Variants in PHACTR1 observed in about 807,000 individuals in gnomAD.
PHACTR1 encodes the protein phosphatase and actin regulator 1, also known as RPEL repeat containing 1.
In PHACTR1, 16 loss-of-function variants were observed where a neutral mutation model predicts 69.2. The observed-to-expected ratio is 0.23, with a 90% confidence interval of 0.16 to 0.35. PHACTR1 has a LOEUF of 0.35. Among genes scored for constraint, PHACTR1 ranks in the 10% least tolerant of loss-of-function variants. The pLI is 1.00. For synonymous variants in PHACTR1, 312 were observed against 284.5 expected (o/e 1.10, Z -0.97); for missense variants, 510 against 734.7 (o/e 0.69, Z 3.54).
chr6:12,728,754 G>A (rs1763119027), intron 3 of PHACTR1, among the ~76,000 whole-genome samples: 2 of 152,020 alleles, frequency 1.3e-5, no homozygotes, highest in African/African-American at 4.8e-5. Flanking sequence ...ATTTTATGGT[G>A]TTTTAGAAAA....
rs560649927 is a variant in PHACTR1 at position 13,127,999 on chromosome 6, C to T, written c.416-32205C>T. On this transcript the variant is annotated intron_variant, in intron 5 of 14. Transcript: ENST00000332995. ...AGCAAACATATCCTTCTTCACATGG[C>T]GGCCGGAAGGAGAAGTATGAGCAAA... 3.2e-4 allele frequency among the ~76,000 whole-genome samples: 49 copies of T among 151,108 alleles called. 1 individual carries two copies. The highest frequency in any genetic ancestry group is 2.7e-3 in the Admixed American group (41 of 15,142).
At chr6:12,944,788 T>TTTATTTATTTA (rs1491524747) in intron 4 of PHACTR1, among the ~76,000 whole-genome samples, 10 of 47,056 alleles carry the variant, frequency 2.1e-4, no homozygotes, top group South Asian at 1.2e-3. Flanking sequence ...TTTTTATTTA[T>TTTATTTATTTA]TTTTTTTTTT....
chr6:12,747,246 T>C (rs1210175777), intron 3 of PHACTR1, among the ~76,000 whole-genome samples: 1 of 152,212 alleles, frequency 6.6e-6, no homozygotes, highest in Non-Finnish European at 1.5e-5. Context: ...AAATCAGGCA[T>C]ACATGGATTT....
At chr6:12,888,571 C>T (rs867250191) in intron 4 of PHACTR1, among the ~76,000 whole-genome samples, 2 of 152,034 alleles carry the variant, frequency 1.3e-5, no homozygotes, top group African/African-American at 4.8e-5. Flanking sequence ...TTATTTAACT[C>T]TTTTAAATGC....
rs188467256 is a variant in PHACTR1, at chr6:13,053,583, A to G, written c.415+54A>G. On this transcript the variant is annotated intron_variant, in intron 5 of 14. Transcript: ENST00000332995. Reference sequence around the variant, plus strand: ...TTTGGTGTTTGTTGCCTTCAACTCTATTATCTTAACAGAATTTAATTGCAA... The same window carrying G: ...TTTGGTGTTTGTTGCCTTCAACTCTGTTATCTTAACAGAATTTAATTGCAA... 2,307 of 1,564,770 alleles carry G rather than the reference A, an allele frequency of 1.5e-3. 2 individuals carry two copies. Among genetic ancestry groups the G allele is most frequent in the Non-Finnish European group, 1.9e-3 (2,186 of 1,151,158 alleles).
At position 12,794,289 on chromosome 6, in the gene PHACTR1, C is replaced by G. The variant is rs1038631956; in HGVS notation, c.250+44499C>G. Among the ~76,000 whole-genome samples, 7 of 152,300 alleles carry G rather than the reference C, an allele frequency of 4.6e-5. 1 individual carries two copies. On this transcript the variant is annotated intron_variant, in intron 4 of 14. Coordinates refer to ENST00000332995, the MANE Select transcript of PHACTR1 (RefSeq NM_030948.6). ...ACTATGATACCATTTTATAAAGATA[C>G]AGTGGAGTTACTGCTGAAGTGTTAA...
chr6:13,189,990 G>T (rs1199912626), intron 7 of PHACTR1, among the ~76,000 whole-genome samples: 1 of 150,742 alleles, frequency 6.6e-6, no homozygotes, highest in Non-Finnish European at 1.5e-5. Context: ...CACATAACAG[G>T]GAGAGAGAAA....
At chr6:12,852,614 A>G (rs927552572) in intron 4 of PHACTR1, among the ~76,000 whole-genome samples, 5 of 152,188 alleles carry the variant, frequency 3.3e-5, no homozygotes, top group South Asian at 2.1e-4. Context: ...TCTAGGCAGC[A>G]TACAAAAACC....
chr6:13,154,284 C>T (rs1757861137), intron 5 of PHACTR1, among the ~76,000 whole-genome samples: 1 of 152,066 alleles, frequency 6.6e-6, no homozygotes, highest in Non-Finnish European at 1.5e-5. Flanking sequence ...CCTGCCTCAC[C>T]CTCCTGAGTA....
At chr6:12,815,981 C>T (rs1310319572) in intron 4 of PHACTR1, among the ~76,000 whole-genome samples, 1 of 152,238 alleles carries the variant, frequency 6.6e-6, no homozygotes, top group Admixed American at 6.5e-5. Context: ...AGAGAAGGAT[C>T]CCTCCAATAT....
At chr6:13,213,102 G>A (rs888754954) in intron 8 of PHACTR1, among the ~76,000 whole-genome samples, 1 of 152,164 alleles carries the variant, frequency 6.6e-6, no homozygotes, top group Non-Finnish European at 1.5e-5. Flanking sequence ...GTGAGTGAGT[G>A]AGTGAGTGAG....
At chr6:12,957,534 G>T (rs1792043692) in intron 4 of PHACTR1, 5 of 985,530 alleles carry the variant, frequency 5.1e-6, no homozygotes, top group Non-Finnish European at 6.0e-6. Context: ...AAGGACTGGG[G>T]CTCTGTGAAG....
At position 13,283,551 on chromosome 6, in the gene PHACTR1, G is replaced by T. The variant is rs777983797; in HGVS notation, c.1639G>T (p.Ala547Ser). The T allele has an allele frequency of 1.9e-6, 3 of 1,613,802 alleles. No homozygotes were observed. The highest frequency in any genetic ancestry group is 4.5e-5 in the East Asian group (2 of 44,884). Reference protein sequence around the residue: ...RADKPWTRLTAADKAAIRKEL... With the variant: ...RADKPWTRLTSADKAAIRKEL... ...AGATAAGCCGTGGACCCGCCTCACC[G>T]CTGCAGACAAAGTAAGCAGAGGGGA... Residue 547 changes from alanine to serine, a missense_variant, in exon 13 of 15, where the codon GCT becomes TCT. Transcript: ENST00000332995. The surrounding 1 kb of genome is among the most constrained non-coding windows in gnomAD (Gnocchi z 4.7).
chr6:12,865,481 C>T (rs572081932), intron 4 of PHACTR1, among the ~76,000 whole-genome samples: 334 of 123,698 alleles, frequency 2.7e-3, no homozygotes, highest in African/African-American at 8.5e-3. Context: ...TGTGTGTGTG[C>T]CTGCGTGTGT....
chr6:13,128,041 T>C (rs1217326982), intron 5 of PHACTR1, among the ~76,000 whole-genome samples: 1 of 150,196 alleles, frequency 6.7e-6, no homozygotes, highest in East Asian at 2.0e-4. Flanking sequence ...AAAAGCCCCT[T>C]AAAAAACCAT....
intron 10 of PHACTR1, chr6:13,266,417 C>A (rs1209317609): frequency 1.3e-5 from 2 of 152,266 alleles, no homozygotes; most frequent in African/African-American, 2.4e-5. Context: ...CCCTCTCACA[C>A]CCTAAAACTT....
chr6:12,955,192 C>CTTTTTT (rs1161324144), intron 4 of PHACTR1, among the ~76,000 whole-genome samples: 8 of 103,288 alleles, frequency 7.7e-5, no homozygotes, highest in African/African-American at 3.6e-4. Context: ...TGTATTTCCT[C>CTTTTTT]TTTTTTTTTT....
chr6:12,895,824 T>G (rs541909780), intron 4 of PHACTR1, among the ~76,000 whole-genome samples: 13 of 152,350 alleles, frequency 8.5e-5, no homozygotes, highest in African/African-American at 2.6e-4. Flanking sequence ...TTGGTCTGGG[T>G]AGGTCTCACC....
chr6:12,749,248 C>A (rs1232304602), intron 3 of PHACTR1, among the ~76,000 whole-genome samples: 1 of 152,208 alleles, frequency 6.6e-6, no homozygotes, highest in African/African-American at 2.4e-5. Context: ...TTGGAGTCGT[C>A]CCTTTCGCAA....
Sources: allele counts gnomAD v4.1 joint callset (sites outside exome capture counted in the v4.1 genomes callset), GRCh38; gene constraint gnomAD v4.1.1; non-coding constraint Gnocchi (gnomAD v3.1); transcripts MANE v1.5; gene names NCBI Gene and HGNC (gene_info 2026-07-23, HGNC 2026-07-21).